Variants in IL17D observed in about 807,000 individuals in gnomAD.
The protein encoded by IL17D is interleukin 17D, also known as interleukin-17D.
A neutral mutation model predicts 5.7 loss-of-function variants in IL17D; 10 were observed. That is an observed-to-expected ratio of 1.75 (90% CI 1.08 to 2.97). The LOEUF (loss-of-function observed/expected upper bound fraction) is 2.97. IL17D is among the 30% of genes most tolerant of loss of function. IL17D has a pLI of 0.00. For missense variants in IL17D, 354 were observed against 292.7 expected, an observed-to-expected ratio of 1.21 and a Z score of -1.53; for synonymous variants, 172 against 141.7, an observed-to-expected ratio of 1.21 and a Z score of -1.52.
At position 20,721,584 on chromosome 13, in the gene IL17D, G is replaced by T. The variant is rs2058735005; in HGVS notation, c.291-52G>T. On this transcript the variant is annotated intron_variant, in intron 1 of 1. Coordinates refer to ENST00000682841, the MANE Select transcript of IL17D (RefSeq NM_001385224.1). Reference sequence around the variant, plus strand: ...TGACTCTAACCAGGGATTTCAGCGCGCGGCGCGGGGCTGCCCCCAGGCGTG... The same window carrying T: ...TGACTCTAACCAGGGATTTCAGCGCTCGGCGCGGGGCTGCCCCCAGGCGTG... The T allele has an allele frequency of 4.1e-6, 6 of 1,468,726 alleles. No homozygotes were observed. In the East Asian group the frequency reaches 1.2e-4, roughly 29 times the overall value. 91.0% of individuals were successfully genotyped at this position (1,468,726 alleles called of 1,614,324 possible).
intron 1 of IL17D, among the ~76,000 whole-genome samples, chr13:20,718,868 CCACACT>C (rs1464412606): frequency 1.5e-5 from 2 of 134,440 alleles, no homozygotes; most frequent in African/African-American, 5.7e-5. Context: ...ACACACATGC[CCACACT>C]CACACACACC....
chr13:20,717,720 A>G (rs556581425), intron 1 of IL17D, among the ~76,000 whole-genome samples: 2 of 152,220 alleles, frequency 1.3e-5, no homozygotes, highest in Non-Finnish European at 2.9e-5. Context: ...GCCCCTGTTC[A>G]TGCCTCTGAT....
At chr13:20,721,516 G>A (rs2058734281) in intron 1 of IL17D, 120 bp from the exon 2 acceptor site, 1 of 770,486 alleles carries the variant, frequency 1.3e-6, no homozygotes, top group East Asian at 2.9e-5. Flanking sequence ...GCACGCACGC[G>A]CCCGCAGGCG....
intron 1 of IL17D, among the ~76,000 whole-genome samples, chr13:20,718,235 A>G (rs932801834): frequency 6.6e-6 from 1 of 152,090 alleles, no homozygotes; most frequent in Non-Finnish European, 1.5e-5. Context: ...AAGATCACAT[A>G]CAGACTAACT....
At chr13:20,718,579 A>C (rs1348811169) in intron 1 of IL17D, among the ~76,000 whole-genome samples, 35 of 94,588 alleles carry the variant, frequency 3.7e-4, no homozygotes, top group Admixed American at 1.5e-3. Flanking sequence ...CCATGCTCAC[A>C]CCTGCCCCCA....
intron 1 of IL17D, among the ~76,000 whole-genome samples, chr13:20,715,014 T>C (rs1393235011): frequency 6.6e-6 from 1 of 152,200 alleles, no homozygotes; most frequent in Non-Finnish European, 1.5e-5. Context: ...GTGCTTCCAA[T>C]GTGGTGGTCC....
chr13:20,721,662 C>T lies in IL17D; in HGVS notation c.317C>T (p.Pro106Leu). ...ATCTCCTACGACCCGGCGAGGTACC[C>T]CAGGTACCTGCCTGAAGCCTACTGC... The part of the protein sequence containing the change: ...YRISYDPARY[P>L]RYLPEAYCLC... The change falls in exon 2 of 2, where the codon CCC becomes CTC. Residue 106 changes from proline (P) to leucine (L), a missense_variant. By Grantham distance (98) the Pro-to-Leu change is moderately conservative. Transcript: ENST00000682841. 1 of 1,606,302 alleles carries T rather than the reference C, an allele frequency of 6.2e-7. No homozygotes were observed. The highest frequency in any genetic ancestry group is 8.5e-7 in the Non-Finnish European group (1 of 1,175,576).
chr13:20,712,847 T>C (rs2141389845), intron 1 of IL17D: 1 of 152,314 alleles, frequency 6.6e-6, no homozygotes, highest in South Asian at 2.1e-4. Flanking sequence ...GCCCACCGCG[T>C]GGTCTGTGGA....
chr13:20,703,190 C>T, upstream of IL17D: 1 of 797,492 alleles, frequency 1.3e-6, no homozygotes, highest in Non-Finnish European at 1.5e-6. Context: ...CTGGGCGCCC[C>T]GCCGCATGCT....
At chr13:20,703,254 C>G (rs1479031072), upstream of IL17D, 1 of 985,556 alleles carries the variant, frequency 1.0e-6, no homozygotes, top group Non-Finnish European at 1.2e-6. Flanking sequence ...GCTCAAGAGC[C>G]GCCGCGTCGC....
rs1270723243 is a variant in IL17D, at chr13:20,718,601, ACACT to A, written c.291-3032_291-3029del. ...CACACCTGCCCCCACACACCTGCCC[ACACT>A]CAGACACACCTGCCCCCCACACACA... On this transcript the variant is annotated intron_variant, in intron 1 of 1. Transcript: ENST00000682841. Among the ~76,000 whole-genome samples the A allele has an allele frequency of 3.1e-5, 3 of 96,474 alleles. No individual in the cohort carries two copies. The Admixed American group carries it at 3.7e-4, about 12-fold the overall frequency. 63.3% of individuals were successfully genotyped at this position (96,474 alleles called of 152,430 possible). A position where few individuals can be genotyped will look rare whatever the true frequency, so the allele number is the denominator to read the frequency against.
chr13:20,702,927 C>T (rs1012493303), upstream of IL17D: 27 of 152,348 alleles, frequency 1.8e-4, no homozygotes, highest in Middle Eastern at 3.4e-3. Flanking sequence ...AAGGAGAATC[C>T]CTCTGGGTTT....
intron 1 of IL17D, among the ~76,000 whole-genome samples, chr13:20,717,700 C>T (rs1467804728): frequency 7.9e-5 from 12 of 152,200 alleles, no homozygotes; most frequent in Non-Finnish European, 7.3e-5. Context: ...GAGAGAACTG[C>T]CTGAAACCCG....
intron 1 of IL17D, among the ~76,000 whole-genome samples, chr13:20,705,970 C>A (rs1253976301): frequency 6.6e-6 from 1 of 152,204 alleles, no homozygotes; most frequent in Non-Finnish European, 1.5e-5. Context: ...TTTCCTGGAG[C>A]CTCTCCCTGC....
rs1323889163 is a variant in IL17D at position 20,716,819 on chromosome 13, T to C, written c.291-4817T>C. The stretch of plus-strand genomic sequence containing the variant: ...TGTTCCTGGGATGGGGTCTTTCAAC[T>C]GCTGTGAGATAAACAGTCATCCTGA... On this transcript the variant is annotated intron_variant, in intron 1 of 1. Coordinates refer to ENST00000682841, the MANE Select transcript of IL17D (RefSeq NM_001385224.1). The surrounding 1 kb of genome is among the most constrained non-coding windows in gnomAD (Gnocchi z 4.2). Among the ~76,000 whole-genome samples the C allele has an allele frequency of 2.6e-5, 4 of 152,214 alleles. No homozygotes were observed. The highest frequency in any genetic ancestry group is 7.2e-5 in the African/African-American group (3 of 41,454).
At chr13:20,703,310 TG>T, upstream of IL17D, 1 of 986,518 alleles carries the variant, frequency 1.0e-6, no homozygotes, top group Non-Finnish European at 1.2e-6. Context: ...GAGAAGATGT[TG>T]GGGGCACTGG....
intron 1 of IL17D, among the ~76,000 whole-genome samples, chr13:20,708,452 A>G (rs2058607206): frequency 6.6e-6 from 1 of 152,310 alleles, no homozygotes; most frequent in African/African-American, 2.4e-5. Context: ...ATTTAAATGT[A>G]AAAAAACCAC....
chr13:20,709,437 T>C (rs1344395178), intron 1 of IL17D, among the ~76,000 whole-genome samples: 18 of 152,148 alleles, frequency 1.2e-4, no homozygotes, highest in Non-Finnish European at 4.4e-5. Flanking sequence ...TATTATACAC[T>C]ATAAGGAAGA....
In IL17D at chr13:20,707,910, A is replaced by ATTTC. The variant is rs375955320; in HGVS notation, c.290+3635_290+3638dup. Among the ~76,000 whole-genome samples, 8 of 151,946 alleles carry ATTTC rather than the reference A, an allele frequency of 5.3e-5. No homozygotes were observed. In the East Asian group the frequency reaches 7.7e-4, roughly 15 times the overall value. On this transcript the variant is annotated intron_variant, in intron 1 of 1. Coordinates refer to ENST00000682841, the MANE Select transcript of IL17D (RefSeq NM_001385224.1). The stretch of plus-strand genomic sequence containing the variant: ...CAGGCTGGGCACAGGGTCAGGTGGT[A>ATTTC]TTTCTTTCTTTCTTTCTTTTGAGAC...
Sources: allele counts gnomAD v4.1 joint callset (sites outside exome capture counted in the v4.1 genomes callset), GRCh38; gene constraint gnomAD v4.1.1; non-coding constraint Gnocchi (gnomAD v3.1); transcripts MANE v1.5; gene names NCBI Gene and HGNC (gene_info 2026-07-23, HGNC 2026-07-21).